The following DNAH7 variants were observed in gnomAD, a reference collection of about 807,000 sequenced individuals.
The protein encoded by DNAH7 is axonemal beta dynein heavy chain 7.
A neutral mutation model predicts 444.6 loss-of-function variants in DNAH7; 397 were observed. That is an observed-to-expected ratio of 0.89 (90% CI 0.82 to 0.97). The LOEUF (loss-of-function observed/expected upper bound fraction) is 0.97. Among genes scored for constraint, DNAH7 ranks in the 50% least tolerant of loss-of-function variants. The probability of loss-of-function intolerance (pLI) is 0.00; values close to 1 mark genes in which losing one functional copy is unlikely to be tolerated. For synonymous variants in DNAH7, 1,636 were observed against 1,624.4 expected (o/e 1.01, Z -0.17); for missense variants, 4,902 against 4,800.8 (o/e 1.02, Z -0.62).
chr2:195,743,659 A>G (rs1693190237), intron 63 of DNAH7, among the ~76,000 whole-genome samples: 1 of 152,184 alleles, frequency 6.6e-6, no homozygotes, highest in African/African-American at 2.4e-5. Flanking sequence ...TGAGAAAGTG[A>G]TTCCTTGGGG....
chr2:195,888,515 C>A (rs1013778616), intron 32 of DNAH7, 81 bp from the exon 33 acceptor site: 2 of 1,388,272 alleles, frequency 1.4e-6, no homozygotes, highest in Non-Finnish European at 1.9e-6. Flanking sequence ...TTTTTTATAA[C>A]CTTCAGCAAA....
chr2:195,982,167 C>T (rs555134200), intron 15 of DNAH7, among the ~76,000 whole-genome samples: 1 of 152,062 alleles, frequency 6.6e-6, no homozygotes, highest in East Asian at 1.9e-4. Context: ...AAAAAGTGGG[C>T]AAATTATCTG....
intron 18 of DNAH7, 136 bp from the exon 19 acceptor site, chr2:195,957,583 T>A: frequency 2.3e-6 from 1 of 442,938 alleles, no homozygotes; most frequent in Non-Finnish European, 4.0e-6. Flanking sequence ...TACAATCTTG[T>A]ATATAATGTT....
intron 11 of DNAH7, 59 bp downstream of exon 11, chr2:196,001,616 G>T: frequency 7.3e-7 from 1 of 1,368,626 alleles, no homozygotes; most frequent in South Asian, 1.8e-5. Flanking sequence ...TTTCCTCTCT[G>T]AAATAATTAA....
chr2:195,767,946 AC>A (rs1356684096), intron 61 of DNAH7, among the ~76,000 whole-genome samples: 2 of 151,856 alleles, frequency 1.3e-5, no homozygotes, highest in Non-Finnish European at 2.9e-5. Flanking sequence ...GCTAGAAAAG[AC>A]AGAACTGGAA....
chr2:195,865,200 ACT>A (rs1325831255), intron 40 of DNAH7, among the ~76,000 whole-genome samples, 179 bp from the exon 41 acceptor site: 2 of 152,188 alleles, frequency 1.3e-5, no homozygotes, highest in South Asian at 4.1e-4. Context: ...GTTAATTTTA[ACT>A]CTATATTTAG....
intron 32 of DNAH7, 48 bp downstream of exon 32, chr2:195,888,751 T>G (rs768167539): frequency 6.4e-7 from 1 of 1,557,820 alleles, no homozygotes; most frequent in Admixed American, 1.9e-5. Context: ...ATACATGCAT[T>G]TATAACATTT....
chr2:195,921,005 C>A (rs1467097127), intron 24 of DNAH7, among the ~76,000 whole-genome samples: 2 of 152,066 alleles, frequency 1.3e-5, no homozygotes, highest in African/African-American at 2.4e-5. Flanking sequence ...CAAATCAAAA[C>A]CACAATTTGA....
At chr2:195,782,547 A>ATAAATGAAC (rs1241047124) in intron 58 of DNAH7, among the ~76,000 whole-genome samples, 1 of 152,228 alleles carries the variant, frequency 6.6e-6, no homozygotes, top group African/African-American at 2.4e-5. Context: ...TTCTTTCACT[A>ATAAATGAAC]TAAATGAACT....
chr2:195,838,187 A>G (rs1053050117), intron 47 of DNAH7, among the ~76,000 whole-genome samples: 1 of 152,186 alleles, frequency 6.6e-6, no homozygotes, highest in Non-Finnish European at 1.5e-5. Flanking sequence ...CAGAAGGAGA[A>G]CTAAGAATTG....
Position 195,777,786 on chromosome 2 carries a change from A to T in DNAH7, c.11064+14T>A. On this transcript the variant is annotated intron_variant, in intron 59 of 64. Transcript: ENST00000312428. ...TGTCTTACTGCTTTTAGTTTTTTTG[A>T]AGGGCATACTTACATCACCAGAAGG... 1 of 1,578,358 alleles carries T rather than the reference A, an allele frequency of 6.3e-7. No individual in the cohort carries two copies. Among genetic ancestry groups the T allele is most frequent in the Non-Finnish European group, 8.6e-7 (1 of 1,157,860 alleles).
At chr2:195,755,691 A>G (rs922609441) in intron 62 of DNAH7, among the ~76,000 whole-genome samples, 3 of 152,212 alleles carry the variant, frequency 2.0e-5, no homozygotes, top group Admixed American at 6.5e-5. Flanking sequence ...TTAAGCACCA[A>G]TATTACCAGA....
In DNAH7 at chr2:195,923,218, C is replaced by T. The variant is rs372704835; in HGVS notation, c.3825+377G>A. Among the ~76,000 whole-genome samples, 32 of 152,264 alleles carry T rather than the reference C, an allele frequency of 2.1e-4. No individual in the cohort carries two copies. The East Asian group carries it at 2.3e-3, about 11-fold the overall frequency. On this transcript the variant is annotated intron_variant, in intron 23 of 64. Coordinates refer to ENST00000312428, the MANE Select transcript of DNAH7 (RefSeq NM_018897.3). The stretch of plus-strand genomic sequence containing the variant: ...ACTGAAAGAGTTTGATTCATACATC[C>T]TTTAGATGCATCAAGAACCTAAAAA...
chr2:196,046,635 G>A (rs753506690), intron 5 of DNAH7, among the ~76,000 whole-genome samples: 3 of 152,038 alleles, frequency 2.0e-5, no homozygotes, highest in Non-Finnish European at 2.9e-5. Flanking sequence ...CCAGCTGCAT[G>A]GGACTCCGAT....
chr2:195,884,966 G>C (rs1402561280), intron 34 of DNAH7, among the ~76,000 whole-genome samples, 157 bp from the exon 35 acceptor site: 1 of 152,028 alleles, frequency 6.6e-6, no homozygotes, highest in Non-Finnish European at 1.5e-5. Flanking sequence ...TAATCATAAG[G>C]GTTTTTAAAA....
chr2:195,923,525 C>A (rs1215038130), intron 23 of DNAH7, 70 bp downstream of exon 23: 3 of 1,460,212 alleles, frequency 2.1e-6, no homozygotes, highest in Non-Finnish European at 2.9e-6. Flanking sequence ...CCCATGTGAG[C>A]AAGCAAGCAC....
At position 195,834,324 on chromosome 2, in the gene DNAH7, T is replaced by C. The variant is rs1698221763; in HGVS notation, c.8982A>G (p.Gln2994=). The change falls in exon 48 of 65, where the codon CAA becomes CAG. Residue 2994 remains glutamine (Q), a synonymous_variant. Coordinates refer to ENST00000312428, the MANE Select transcript of DNAH7 (RefSeq NM_018897.3). ...ARRWPLMIDP[Q]SQANKWIKNM... ...TCTTGATCCATTTATTAGCCTGACT[T>C]TGAGGATCTATCATCAGAGGCCACC... 2 of 1,604,106 alleles carry C rather than the reference T, an allele frequency of 1.2e-6. No individual in the cohort carries two copies. Among genetic ancestry groups the C allele is most frequent in the South Asian group, 2.2e-5 (2 of 90,186 alleles).
At position 195,751,104 on chromosome 2, in the gene DNAH7, T is replaced by C. The variant is rs1368222714; in HGVS notation, c.11764+3233A>G. On this transcript the variant is annotated intron_variant, in intron 63 of 64. Transcript: ENST00000312428. ...GTTAAATTTCCTTCTGTATTTGTTTTATTTATTTATTTTAAAAGCCTCTAG... is the reference window on the plus strand; with the variant it reads ...GTTAAATTTCCTTCTGTATTTGTTTCATTTATTTATTTTAAAAGCCTCTAG... 3.3e-5 allele frequency among the ~76,000 whole-genome samples: 5 copies of C among 152,344 alleles called. No individual in the cohort carries two copies. In the East Asian group the frequency reaches 9.7e-4, roughly 29 times the overall value.
intron 57 of DNAH7, among the ~76,000 whole-genome samples, chr2:195,790,908 T>A (rs766088458): frequency 1.3e-5 from 2 of 152,108 alleles, no homozygotes; most frequent in Non-Finnish European, 2.9e-5. Context: ...AAAGACAACC[T>A]TCAGAATGGG....
Sources: allele counts gnomAD v4.1 joint callset (sites outside exome capture counted in the v4.1 genomes callset), GRCh38; gene constraint gnomAD v4.1.1; transcripts MANE v1.5; gene names NCBI Gene and HGNC (gene_info 2026-07-23, HGNC 2026-07-21).